Variants in ADAM23 observed in about 807,000 individuals in gnomAD.
ADAM23 encodes ADAM metallopeptidase domain 23.
In ADAM23, 33 loss-of-function variants were observed where a neutral mutation model predicts 120.1. The ratio of observed to expected loss-of-function variants is 0.27; its 90% CI spans 0.21 to 0.37. The LOEUF (loss-of-function observed/expected upper bound fraction) is 0.37, where lower values mean the gene tolerates loss of function less well. Among genes scored for constraint, ADAM23 ranks in the 10% least tolerant of loss-of-function variants. The pLI is 1.00. For missense variants in ADAM23, 862 were observed against 1,058.2 expected (o/e 0.81, Z 2.57); for synonymous variants, 367 against 375.2 (o/e 0.98, Z 0.25).
At chr2:206,449,997 G>C (rs936016886) in intron 2 of ADAM23, among the ~76,000 whole-genome samples, 1 of 152,084 alleles carries the variant, frequency 6.6e-6, no homozygotes, top group Non-Finnish European at 1.5e-5. Context: ...TTTAGATCTT[G>C]GTGATTATTT....
chr2:206,574,821 T>TGTAA (rs1336589629), intron 18 of ADAM23, among the ~76,000 whole-genome samples: 2 of 152,216 alleles, frequency 1.3e-5, no homozygotes, highest in African/African-American at 4.8e-5. Context: ...AAATTCCTTC[T>TGTAA]TTACATAATG....
rs1441923388 is a variant in ADAM23 at position 206,496,474 on chromosome 2, C to A, written c.509+15166C>A. 4.6e-5 allele frequency among the ~76,000 whole-genome samples: 7 copies of A among 152,034 alleles called. 2 individuals carry two copies. In the South Asian group the frequency reaches 1.3e-3, roughly 27 times the overall value. ...CCAACGAGAACAAAGACACAAAAAACCAGAATCTCTGGGACACATTCAAAG... is the reference window on the plus strand; with the variant it reads ...CCAACGAGAACAAAGACACAAAAAAACAGAATCTCTGGGACACATTCAAAG... On this transcript the variant is annotated intron_variant, in intron 3 of 25. Transcript: ENST00000264377.
intron 2 of ADAM23, among the ~76,000 whole-genome samples, chr2:206,463,513 C>A (rs775717516): frequency 2.0e-5 from 3 of 152,232 alleles, no homozygotes; most frequent in Non-Finnish European, 4.4e-5. Context: ...TTGTTTTAAG[C>A]CCTGACATCC....
At chr2:206,583,764 A>G (rs1253048701) in intron 18 of ADAM23, among the ~76,000 whole-genome samples, 1 of 151,830 alleles carries the variant, frequency 6.6e-6, no homozygotes, top group Non-Finnish European at 1.5e-5. Flanking sequence ...CCCTTCTTCC[A>G]TCATTTTTTG....
rs765390128 is a variant in ADAM23 at position 206,565,063 on chromosome 2, A to G, written c.1389A>G (p.Glu463=). 6.2e-7 allele frequency: 1 copy of G among 1,614,056 alleles called. No individual in the cohort carries two copies. Among genetic ancestry groups the G allele is most frequent in the Non-Finnish European group, 8.5e-7 (1 of 1,179,954 alleles). ...TESWGGCIME[E]TGVSHSRKFS... is the part of the protein sequence containing the mutation. Reference sequence around the variant, plus strand: ...CCTGGGGTGGCTGCATCATGGAGGAAACAGGGTAAATTTTCATTATGCGTG... The same window carrying G: ...CCTGGGGTGGCTGCATCATGGAGGAGACAGGGTAAATTTTCATTATGCGTG... The change falls in exon 14 of 26, where the codon GAA becomes GAG. Residue 463 remains glutamate, a synonymous_variant. Coordinates refer to ENST00000264377, the MANE Select transcript of ADAM23 (RefSeq NM_003812.4).
At chr2:206,503,649 A>G (rs1696435589) in intron 3 of ADAM23, among the ~76,000 whole-genome samples, 1 of 152,150 alleles carries the variant, frequency 6.6e-6, no homozygotes, top group South Asian at 2.1e-4. Context: ...GGCATGTATA[A>G]TAGGCATTTA....
chr2:206,479,551 A>C (rs766370974), intron 2 of ADAM23, among the ~76,000 whole-genome samples: 10 of 152,220 alleles, frequency 6.6e-5, no homozygotes, highest in Non-Finnish European at 1.2e-4. Context: ...TTATTCATCA[A>C]TATAAATATC....
chr2:206,520,625 T>C (rs1181662337), intron 3 of ADAM23, among the ~76,000 whole-genome samples: 1 of 152,304 alleles, frequency 6.6e-6, no homozygotes, highest in East Asian at 1.9e-4. Context: ...AGGCTGCTCC[T>C]TAATGTCTTT....
At chr2:206,505,098 C>T (rs1696469476) in intron 3 of ADAM23, among the ~76,000 whole-genome samples, 1 of 152,270 alleles carries the variant, frequency 6.6e-6, no homozygotes, top group African/African-American at 2.4e-5. Flanking sequence ...AAGGGGCTAT[C>T]AAACCTACTA....
intron 3 of ADAM23, among the ~76,000 whole-genome samples, chr2:206,507,208 A>T (rs909181901): frequency 4.6e-5 from 7 of 152,050 alleles, no homozygotes; most frequent in African/African-American, 1.7e-4. Flanking sequence ...ATGGTAGGTG[A>T]TATGGTTTGG....
At chr2:206,479,387 T>C (rs1189503322) in intron 2 of ADAM23, among the ~76,000 whole-genome samples, 1 of 152,168 alleles carries the variant, frequency 6.6e-6, no homozygotes, top group Non-Finnish European at 1.5e-5. Context: ...ATTTATCAGC[T>C]CTTTTAGACC....
intron 18 of ADAM23, among the ~76,000 whole-genome samples, chr2:206,577,483 G>A (rs1257263617): frequency 7.2e-6 from 1 of 139,160 alleles, no homozygotes; most frequent in South Asian, 2.4e-4. Context: ...TCATTGTTCA[G>A]TTCCCACCTA....
chr2:206,580,911 A>G (rs1178982189), intron 18 of ADAM23, among the ~76,000 whole-genome samples: 1 of 152,132 alleles, frequency 6.6e-6, no homozygotes, highest in Non-Finnish European at 1.5e-5. Flanking sequence ...TGGTCTATTC[A>G]GGGTATCTAA....
chr2:206,463,252 C>A (rs1695463239), intron 2 of ADAM23, among the ~76,000 whole-genome samples: 1 of 152,088 alleles, frequency 6.6e-6, no homozygotes. Context: ...TGGGTGGGCC[C>A]AGTGTAATCA....
At chr2:206,481,372 G>A (rs1285569795) in intron 3 of ADAM23, 64 bp downstream of exon 3, 7 of 1,231,114 alleles carry the variant, frequency 5.7e-6, no homozygotes, top group South Asian at 3.1e-5. Context: ...TTATAATATC[G>A]GTTTAGTCAA....
rs138338272 is a variant in ADAM23, at chr2:206,528,710, C to T, written c.510-2175C>T. On this transcript the variant is annotated intron_variant, in intron 3 of 25. Coordinates refer to ENST00000264377, the MANE Select transcript of ADAM23 (RefSeq NM_003812.4). Reference sequence around the variant, plus strand: ...AAGAAGTAGTGTCACGGTTTCCTAACAAGAAAACCTACTATGAGGCAAAAT... The same window carrying T: ...AAGAAGTAGTGTCACGGTTTCCTAATAAGAAAACCTACTATGAGGCAAAAT... 4.4e-3 allele frequency among the ~76,000 whole-genome samples: 664 copies of T among 152,222 alleles called. 3 individuals are homozygous for T. Among genetic ancestry groups the T allele is most frequent in the African/African-American group, 0.015 (637 of 41,530 alleles).
Position 206,531,386 on chromosome 2 carries a change from A to AT in ADAM23, c.573+439dup, listed in dbSNP as rs1697059287. On this transcript the variant is annotated intron_variant, in intron 4 of 25. Transcript: ENST00000264377. ...AGGTAGTACTTTTTCTCTAACCTTC[A>AT]TAACAATTCTATGAGGTGGATGTTA... Among the ~76,000 whole-genome samples the AT allele has an allele frequency of 2.0e-5, 3 of 152,224 alleles. No individual in the cohort carries two copies. The South Asian group carries it at 6.2e-4, about 32-fold the overall frequency.
At chr2:206,472,615 GA>G (rs11389922) in intron 2 of ADAM23, among the ~76,000 whole-genome samples, 51 of 142,620 alleles carry the variant, frequency 3.6e-4, no homozygotes, top group East Asian at 4.1e-4. Flanking sequence ...CATCTCAGGG[GA>G]AAAAAAAAAA....
chr2:206,491,866 T>G (rs4517957), intron 3 of ADAM23, among the ~76,000 whole-genome samples: 100,755 of 152,088 alleles, frequency 0.66, 34,079 homozygotes, highest in African/African-American at 0.81. Context: ...CAACCATTAT[T>G]TTTCTTAAAT....
Sources: allele counts gnomAD v4.1 joint callset (sites outside exome capture counted in the v4.1 genomes callset), GRCh38; gene constraint gnomAD v4.1.1; transcripts MANE v1.5; gene names NCBI Gene and HGNC (gene_info 2026-07-23, HGNC 2026-07-21).